Variants in NTM observed in about 807,000 individuals in gnomAD.
The protein encoded by NTM is IgLON family member 2.
NTM carries 13 observed loss-of-function variants against 42.1 expected under a neutral mutation model. The ratio of observed to expected loss-of-function variants is 0.31; its 90% CI spans 0.20 to 0.49. The LOEUF (loss-of-function observed/expected upper bound fraction) is 0.49, where lower values mean the gene tolerates loss of function less well. Among genes scored for constraint, NTM ranks in the 20% least tolerant of loss-of-function variants. The pLI is 0.99. For synonymous variants in NTM, 187 were observed against 179.2 expected (o/e 1.04, Z -0.35); for missense variants, 373 against 452.8 (o/e 0.82, Z 1.60).
chr11:131,725,522 T>G (rs2078857295), intron 1 of NTM, among the ~76,000 whole-genome samples: 1 of 151,988 alleles, frequency 6.6e-6, no homozygotes, highest in Non-Finnish European at 1.5e-5. Context: ...ACATCTCAGA[T>G]AGAGGAAGCA....
intron 3 of NTM, among the ~76,000 whole-genome samples, chr11:132,208,284 A>G (rs532557096): frequency 6.6e-6 from 1 of 152,314 alleles, no homozygotes; most frequent in East Asian, 1.9e-4. Flanking sequence ...CCACCTAGAA[A>G]ATCATATTTT....
intron 1 of NTM, among the ~76,000 whole-genome samples, chr11:131,553,193 T>C (rs968514602): frequency 6.6e-6 from 1 of 152,008 alleles, no homozygotes; most frequent in African/African-American, 2.4e-5. Context: ...TGAGGTCTTC[T>C]GGGAGCTGGC....
chr11:132,219,120 C>T (rs1234665907), intron 4 of NTM, among the ~76,000 whole-genome samples: 1 of 152,180 alleles, frequency 6.6e-6, no homozygotes, highest in Non-Finnish European at 1.5e-5. Context: ...TGACTTTGCA[C>T]ACCCCATCTG....
chr11:132,170,001 C>T (rs2075895166), intron 3 of NTM, among the ~76,000 whole-genome samples: 1 of 152,176 alleles, frequency 6.6e-6, no homozygotes. Flanking sequence ...ATTTGATTCG[C>T]TCTTCACTCT....
At chr11:131,787,426 C>T (rs1252299763) in intron 1 of NTM, among the ~76,000 whole-genome samples, 1 of 150,628 alleles carries the variant, frequency 6.6e-6, no homozygotes, top group Non-Finnish European at 1.5e-5. Flanking sequence ...TGGCGCCAGG[C>T]TGGAGTGCAG....
At chr11:131,560,354 T>C (rs2056070326) in intron 1 of NTM, among the ~76,000 whole-genome samples, 1 of 152,188 alleles carries the variant, frequency 6.6e-6, no homozygotes, top group Non-Finnish European at 1.5e-5. Flanking sequence ...AAAGAAATTT[T>C]GATTCAAAAA....
At chr11:132,050,122 G>A (rs950801594) in intron 2 of NTM, among the ~76,000 whole-genome samples, 1 of 152,186 alleles carries the variant, frequency 6.6e-6, no homozygotes. Context: ...TGACTTTAGG[G>A]TTTAGAGAGA....
intron 1 of NTM, among the ~76,000 whole-genome samples, chr11:131,378,636 T>A (rs1323289392): frequency 6.6e-6 from 1 of 152,174 alleles, no homozygotes; most frequent in African/African-American, 2.4e-5. Context: ...TGATAATGAC[T>A]CTCAATTGAT....
chr11:131,991,245 C>T (rs1236422653), intron 2 of NTM, among the ~76,000 whole-genome samples: 1 of 152,048 alleles, frequency 6.6e-6, no homozygotes, highest in East Asian at 1.9e-4. Context: ...TTTTTACCTT[C>T]TTTCTTGTCC....
intron 1 of NTM, among the ~76,000 whole-genome samples, chr11:131,395,048 C>G (rs1292726311): frequency 1.3e-5 from 2 of 152,142 alleles, no homozygotes; most frequent in Non-Finnish European, 2.9e-5. Context: ...CTAAAAGCCC[C>G]TCTGCTGTTG....
At chr11:131,764,611 A>G (rs1231590573) in intron 1 of NTM, among the ~76,000 whole-genome samples, 1 of 152,188 alleles carries the variant, frequency 6.6e-6, no homozygotes, top group East Asian at 1.9e-4. Flanking sequence ...TCTGATATCA[A>G]AAAAGGGGAT....
intron 2 of NTM, among the ~76,000 whole-genome samples, chr11:132,044,578 A>G (rs751625149): frequency 6.6e-6 from 1 of 152,130 alleles, no homozygotes; most frequent in Non-Finnish European, 1.5e-5. Context: ...GAGGTGGCCG[A>G]CAACTGAGGG....
At chr11:131,988,970 A>G (rs866845103) in intron 2 of NTM, among the ~76,000 whole-genome samples, 13 of 152,348 alleles carry the variant, frequency 8.5e-5, no homozygotes, top group Middle Eastern at 6.8e-3. Context: ...AAATAGATAT[A>G]TCATCTTCCT....
At chr11:131,748,124 G>T (rs1475201931) in intron 1 of NTM, among the ~76,000 whole-genome samples, 1 of 152,220 alleles carries the variant, frequency 6.6e-6, no homozygotes, top group African/African-American at 2.4e-5. Context: ...TATTAGAATT[G>T]TACATGCTTG....
intron 2 of NTM, among the ~76,000 whole-genome samples, chr11:132,052,256 T>A (rs183967373): frequency 6.6e-6 from 1 of 152,226 alleles, no homozygotes; most frequent in Admixed American, 6.5e-5. Flanking sequence ...CAGGAATAAC[T>A]GACATGAATG....
chr11:132,294,725 T>C (rs2094554954), intron 4 of NTM, among the ~76,000 whole-genome samples: 1 of 152,152 alleles, frequency 6.6e-6, no homozygotes, highest in African/African-American at 2.4e-5. Flanking sequence ...CATTTTGTAG[T>C]GATGGCAGCA....
At chr11:131,986,096 A>AT (rs2066031180) in intron 2 of NTM, among the ~76,000 whole-genome samples, 1 of 152,116 alleles carries the variant, frequency 6.6e-6, no homozygotes, top group Admixed American at 6.6e-5. Context: ...TTTGGATCTG[A>AT]TTTTTCTTTG....
chr11:131,483,879 TGCCG>T (rs2136249753), intron 1 of NTM, among the ~76,000 whole-genome samples: 1 of 152,382 alleles, frequency 6.6e-6, no homozygotes, highest in African/African-American at 2.4e-5. Flanking sequence ...TGCCTGGCGC[TGCCG>T]GCCTTGGCAT....
At chr11:131,852,340 A>G (rs747741098) in intron 1 of NTM, among the ~76,000 whole-genome samples, 14 of 152,252 alleles carry the variant, frequency 9.2e-5, no homozygotes, top group African/African-American at 3.1e-4. Flanking sequence ...TTCTGAACAT[A>G]GTGAACATTT....
Sources: gnomAD v4.1 joint callset for allele counts (sites outside exome capture counted in the v4.1 genomes callset) on GRCh38, gnomAD v4.1.1 for gene constraint, MANE v1.5 for transcripts, NCBI Gene and HGNC (gene_info 2026-07-23, HGNC 2026-07-21) for gene names.